Variants in DDC observed in about 807,000 individuals in gnomAD.
DDC encodes the protein aromatic-L-amino-acid decarboxylase.
DDC carries 43 observed loss-of-function variants against 60.0 expected under a neutral mutation model. That is an observed-to-expected ratio of 0.72 (90% confidence interval 0.56 to 0.92). The LOEUF (loss-of-function observed/expected upper bound fraction) is 0.92. Among genes scored for constraint, DDC ranks in the 40% least tolerant of loss-of-function variants. The probability of loss-of-function intolerance (pLI) is 0.00; values close to 1 mark genes in which losing one functional copy is unlikely to be tolerated. For synonymous variants in DDC, 232 were observed against 234.6 expected (o/e 0.99, Z 0.10); for missense variants, 573 against 620.2 (o/e 0.92, Z 0.81).
intron 6 of DDC, among the ~76,000 whole-genome samples, chr7:50,515,885 A>G (rs11575360): frequency 0.031 from 4,681 of 152,322 alleles, 133 homozygotes; most frequent in African/African-American, 0.074. Context: ...TTGTAATCCT[A>G]CATATATATG....
At chr7:50,518,564 G>A (rs139095936) in intron 6 of DDC, among the ~76,000 whole-genome samples, 2,691 of 152,264 alleles carry the variant, frequency 0.018, 159 homozygotes, top group Admixed American at 0.11. Flanking sequence ...GAACAGAATA[G>A]AGAACCCAGA....
At position 50,470,157 on chromosome 7, in the gene DDC, TG is replaced by T. The variant is rs2042497215; in HGVS notation, c.1055del (p.Pro352HisfsTer9). ...LITDYRHWQIPLGRRFRSLKM... is the reference protein window; with the variant it reads ...LITDYRHWQIXLGRRFRSLKM... ...TCAAAGAGCGAAATCTTCTGCCCAG[TG>T]GTATCTGCCAATGCTGAAATGAAAC... On this transcript the variant is annotated frameshift_variant, in exon 12 of 15. Transcript: ENST00000444124. LOFTEE classifies it high-confidence loss of function. 6.2e-7 allele frequency: 1 copy of T among 1,611,110 alleles called. No individual in the cohort carries two copies.
chr7:50,478,900 A>G (rs1055250203), intron 10 of DDC, among the ~76,000 whole-genome samples: 7 of 152,178 alleles, frequency 4.6e-5, no homozygotes, highest in East Asian at 1.9e-4. Flanking sequence ...GATTACAGGA[A>G]TTTTCTGGCC....
intron 9 of DDC, among the ~76,000 whole-genome samples, chr7:50,492,435 G>A (rs1291865702): frequency 1.3e-5 from 2 of 152,178 alleles, no homozygotes; most frequent in Admixed American, 1.3e-4. Context: ...CTCTTGTTCT[G>A]TCGAGAACGC....
At chr7:50,542,960 A>G (rs1335246680) in intron 2 of DDC, 2 of 152,262 alleles carry the variant, frequency 1.3e-5, no homozygotes, top group African/African-American at 4.8e-5. Context: ...TTCTGTCTAC[A>G]TTGAGGGAGT....
At chr7:50,490,442 G>T (rs1177575099) in intron 9 of DDC, among the ~76,000 whole-genome samples, 6 of 152,202 alleles carry the variant, frequency 3.9e-5, no homozygotes, top group African/African-American at 1.4e-4. Context: ...AGGCTGAGGT[G>T]GGTGGATCAT....
chr7:50,510,390 C>T (rs142075147), intron 6 of DDC, among the ~76,000 whole-genome samples: 5 of 151,730 alleles, frequency 3.3e-5, no homozygotes, highest in Middle Eastern at 3.4e-3. Flanking sequence ...GTAAGTAGGC[C>T]GGGTGCTGTG....
chr7:50,501,282 G>C (rs2043250398), intron 7 of DDC, among the ~76,000 whole-genome samples: 1 of 152,194 alleles, frequency 6.6e-6, no homozygotes, highest in South Asian at 2.1e-4. Context: ...TGCCTGCCCT[G>C]TGCTATTCCC....
At chr7:50,557,713 A>C (rs2045229387) in intron 1 of DDC, among the ~76,000 whole-genome samples, 1 of 152,160 alleles carries the variant, frequency 6.6e-6, no homozygotes, top group African/African-American at 2.4e-5. Flanking sequence ...AGTAGATGCC[A>C]CCCCACCATC....
chr7:50,474,534 G>A (rs1176798062), intron 11 of DDC, among the ~76,000 whole-genome samples: 2 of 152,224 alleles, frequency 1.3e-5, no homozygotes, highest in Non-Finnish European at 2.9e-5. Flanking sequence ...GCGGGTGCCA[G>A]TACAGATCTG....
intron 9 of DDC, chr7:50,492,906 C>T (rs1208264237): frequency 2.5e-6 from 4 of 1,595,234 alleles, no homozygotes; most frequent in Admixed American, 1.7e-5. Context: ...ATCAGCTCTG[C>T]GGCAGGCACT....
intron 7 of DDC, among the ~76,000 whole-genome samples, chr7:50,500,699 A>T (rs1370391410): frequency 2.6e-5 from 4 of 152,224 alleles, no homozygotes; most frequent in Non-Finnish European, 5.9e-5. Flanking sequence ...TTGGCCTCCC[A>T]TGCCCTGGGG....
At chr7:50,556,696 A>G (rs899129601) in intron 1 of DDC, among the ~76,000 whole-genome samples, 1 of 152,186 alleles carries the variant, frequency 6.6e-6, no homozygotes, top group Non-Finnish European at 1.5e-5. Context: ...TCCAGAAAGG[A>G]ACTCCTGTAA....
chr7:50,551,524 C>T (rs573664353), intron 1 of DDC, among the ~76,000 whole-genome samples: 86 of 152,226 alleles, frequency 5.6e-4, no homozygotes, highest in African/African-American at 1.9e-3. Flanking sequence ...TGAGCCACCG[C>T]GCCCGGCCCC....
chr7:50,507,760 T>C (rs762254696), intron 6 of DDC, among the ~76,000 whole-genome samples: 2 of 152,218 alleles, frequency 1.3e-5, no homozygotes, highest in African/African-American at 2.4e-5. Context: ...AAACCCGGCC[T>C]TGTCCTGGCA....
chr7:50,470,274 C>G, intron 11 of DDC, 103 bp from the exon 12 acceptor site: 1 of 862,384 alleles, frequency 1.2e-6, no homozygotes, highest in Non-Finnish European at 2.0e-6. Flanking sequence ...CAGCCGATTC[C>G]CTGGTGGCCA....
chr7:50,467,386 C>A (rs971094492), intron 12 of DDC, 71 bp from the exon 13 acceptor site: 1 of 1,239,924 alleles, frequency 8.1e-7, no homozygotes, highest in African/African-American at 1.5e-5. Context: ...CCTAGAAAAC[C>A]TTATTAGACT....
In DDC at chr7:50,520,389, G is replaced by A. The variant is rs565221631; in HGVS notation, c.714+7748C>T. ...TAATAAAAAGATAGCTGGAAGACCC[G>A]AAAACTCTTAGAGATCAAACAACAC... On this transcript the variant is annotated intron_variant, in intron 6 of 14. Transcript: ENST00000444124. Among the ~76,000 whole-genome samples the A allele has an allele frequency of 2.5e-4, 38 of 152,208 alleles. 1 individual carries two copies. Among genetic ancestry groups the A allele is most frequent in the South Asian group, 6.2e-4 (3 of 4,826 alleles).
chr7:50,505,113 C>T (rs561070486), intron 6 of DDC, among the ~76,000 whole-genome samples: 7 of 152,186 alleles, frequency 4.6e-5, no homozygotes, highest in African/African-American at 1.4e-4. Context: ...TGTGGTGCCA[C>T]GATCGCACTG....
Sources: gnomAD v4.1 joint callset for allele counts (sites outside exome capture counted in the v4.1 genomes callset) on GRCh38, gnomAD v4.1.1 for gene constraint, MANE v1.5 for transcripts, NCBI Gene and HGNC (gene_info 2026-07-23, HGNC 2026-07-21) for gene names.